The following TBCA variants were observed in gnomAD, a reference collection of about 807,000 sequenced individuals.
TBCA encodes the protein tubulin folding cofactor A, also known as tubulin-specific chaperone A.
Under a neutral mutation model 15.8 loss-of-function variants are expected in TBCA, and 6 were observed. The ratio of observed to expected loss-of-function variants is 0.38; its 90% CI spans 0.21 to 0.75. The LOEUF (loss-of-function observed/expected upper bound fraction) is 0.75. Among genes scored for constraint, TBCA ranks in the 30% least tolerant of loss-of-function variants. TBCA has a pLI of 0.46. For missense variants in TBCA, 90 were observed against 131.2 expected (o/e 0.69, Z 1.53); for synonymous variants, 32 against 42.3 (o/e 0.76, Z 0.94).
At chr5:77,692,366 A>G in intron 3 of TBCA, 1 of 985,124 alleles carries the variant, frequency 1.0e-6, no homozygotes. Flanking sequence ...CTCTGTTAGT[A>G]AATACAAGCT....
intron 1 of TBCA, among the ~76,000 whole-genome samples, chr5:77,761,994 C>T (rs1747654098): frequency 6.6e-6 from 1 of 152,238 alleles, no homozygotes; most frequent in Non-Finnish European, 1.5e-5. Context: ...GAATCAGTTT[C>T]TGTGGCCAGG....
chr5:77,708,155 CTCAG>C (rs567352039), intron 2 of TBCA, 83 bp downstream of exon 2: 5 of 829,504 alleles, frequency 6.0e-6, no homozygotes, highest in African/African-American at 1.7e-5. Flanking sequence ...ATAATATAAT[CTCAG>C]TCAGAGGACT....
At chr5:77,767,278 C>A (rs948281077) in intron 1 of TBCA, among the ~76,000 whole-genome samples, 1 of 151,980 alleles carries the variant, frequency 6.6e-6, no homozygotes, top group East Asian at 1.9e-4. Context: ...ACAAACAAAC[C>A]GAGTTAGAAT....
In TBCA at chr5:77,771,108, G is replaced by A. The variant is rs533082166; in HGVS notation, c.53+5097C>T. On this transcript the variant is annotated intron_variant, in intron 1 of 3. Transcript: ENST00000380377. ...TCCACTCCAGCCTGGGTGACACAGC[G>A]AGACTCTGACTCTGAAAAAATAAAA... Among the ~76,000 whole-genome samples, 62 of 152,006 alleles carry A rather than the reference G, an allele frequency of 4.1e-4. 1 individual carries two copies. The South Asian group carries it at 8.3e-3, about 20-fold the overall frequency.
At chr5:77,721,313 A>C (rs548284506) in intron 1 of TBCA, among the ~76,000 whole-genome samples, 32 of 152,186 alleles carry the variant, frequency 2.1e-4, no homozygotes, top group Non-Finnish European at 3.7e-4. Context: ...AGCATTATAC[A>C]GAGGCACTTT....
chr5:77,763,694 G>C (rs930153143), intron 1 of TBCA, among the ~76,000 whole-genome samples: 3 of 152,112 alleles, frequency 2.0e-5, no homozygotes, highest in Admixed American at 6.5e-5. Context: ...AACCCAAAGA[G>C]AGCCCTCACC....
At chr5:77,755,792 G>C (rs1420398010) in intron 1 of TBCA, among the ~76,000 whole-genome samples, 1 of 152,002 alleles carries the variant, frequency 6.6e-6, no homozygotes, top group Admixed American at 6.6e-5. Flanking sequence ...ATCACCTGAA[G>C]TTCGGAATTT....
At chr5:77,747,221 A>G (rs1179098123) in intron 1 of TBCA, among the ~76,000 whole-genome samples, 2 of 152,128 alleles carry the variant, frequency 1.3e-5, no homozygotes, top group African/African-American at 4.8e-5. Flanking sequence ...ACAGTACTAA[A>G]AAATCTGGGA....
rs982802962 is a variant in TBCA at position 77,715,899 on chromosome 5, T to C, written c.54-7552A>G. 4.6e-5 allele frequency among the ~76,000 whole-genome samples: 7 copies of C among 152,208 alleles called. No individual in the cohort carries two copies. The South Asian group carries it at 8.3e-4, about 18-fold the overall frequency. Reference sequence around the variant, plus strand: ...TAGTATAATTTCCTTTTCCCTGTTATATACAGTTCTCCTCTACTGATATAG... The same window carrying C: ...TAGTATAATTTCCTTTTCCCTGTTACATACAGTTCTCCTCTACTGATATAG... On this transcript the variant is annotated intron_variant, in intron 1 of 3. Transcript: ENST00000380377.
chr5:77,766,979 A>T (rs1239557994), intron 1 of TBCA, among the ~76,000 whole-genome samples: 1 of 152,248 alleles, frequency 6.6e-6, no homozygotes, highest in Non-Finnish European at 1.5e-5. Flanking sequence ...TTGGTCCTGA[A>T]AAGACGTGAA....
intron 2 of TBCA, among the ~76,000 whole-genome samples, chr5:77,698,528 A>C (rs1361526374): frequency 1.3e-5 from 2 of 152,222 alleles, no homozygotes; most frequent in African/African-American, 4.8e-5. Context: ...AAAAGTTCCT[A>C]CAAAAGAGCT....
intron 1 of TBCA, among the ~76,000 whole-genome samples, chr5:77,712,927 A>G (rs1253453232): frequency 6.6e-6 from 1 of 152,198 alleles, no homozygotes; most frequent in Non-Finnish European, 1.5e-5. Context: ...GACCTGTATT[A>G]ACATTTTGAG....
At chr5:77,770,481 T>C (rs1317223592) in intron 1 of TBCA, among the ~76,000 whole-genome samples, 1 of 152,172 alleles carries the variant, frequency 6.6e-6, no homozygotes, top group Non-Finnish European at 1.5e-5. Flanking sequence ...GCCTGGGACT[T>C]TCCCAGTTTT....
chr5:77,757,930 A>AC (rs1747514135), intron 1 of TBCA, among the ~76,000 whole-genome samples: 1 of 152,188 alleles, frequency 6.6e-6, no homozygotes, highest in South Asian at 2.1e-4. Context: ...GCAAATCTGT[A>AC]CGGGTCTGCA....
At chr5:77,740,862 T>G (rs1297293499) in intron 1 of TBCA, among the ~76,000 whole-genome samples, 1 of 152,216 alleles carries the variant, frequency 6.6e-6, no homozygotes, top group Non-Finnish European at 1.5e-5. Context: ...TACATCTGTC[T>G]TATTCACTAT....
At position 77,691,407 on chromosome 5, in the gene TBCA, C is replaced by T. The variant is rs374714675; in HGVS notation, c.*11G>A. 1.2e-5 allele frequency: 19 copies of T among 1,590,372 alleles called. No homozygotes were observed. In the East Asian group the frequency reaches 2.0e-4, roughly 17 times the overall value. ...GATTTAATGCAAAAACCACCCCATA[C>T]GAGAAAAGTTTCAGGCTTCTAACTT... On this transcript the variant is annotated 3_prime_UTR_variant, in exon 4 of 4. Coordinates refer to ENST00000380377, the MANE Select transcript of TBCA (RefSeq NM_004607.3).
intron 1 of TBCA, among the ~76,000 whole-genome samples, chr5:77,770,997 G>A (rs1280808854): frequency 1.3e-5 from 2 of 152,086 alleles, no homozygotes; most frequent in Middle Eastern, 3.4e-3. Context: ...CCATGGTGGC[G>A]GACACCTGTA....
intron 1 of TBCA, among the ~76,000 whole-genome samples, chr5:77,751,913 C>A (rs1301849446): frequency 2.6e-5 from 4 of 152,062 alleles, no homozygotes; most frequent in African/African-American, 9.7e-5. Flanking sequence ...TGTCTTCTTG[C>A]GCTCAGTCAG....
intron 1 of TBCA, among the ~76,000 whole-genome samples, chr5:77,764,417 G>A (rs1747726987): frequency 1.3e-5 from 2 of 152,106 alleles, no homozygotes; most frequent in South Asian, 4.1e-4. Context: ...CAAGGATTAA[G>A]ATTAATTCAG....
Sources: gnomAD v4.1 joint callset for allele counts (sites outside exome capture counted in the v4.1 genomes callset) on GRCh38, gnomAD v4.1.1 for gene constraint, MANE v1.5 for transcripts, NCBI Gene and HGNC (gene_info 2026-07-23, HGNC 2026-07-21) for gene names.